The following CAMK4 variants were observed in gnomAD, a reference collection of about 807,000 sequenced individuals.
CAMK4 encodes the protein calcium/calmodulin-dependent protein kinase type IV.
A neutral mutation model predicts 44.9 loss-of-function variants in CAMK4; 22 were observed. The ratio of observed to expected loss-of-function variants is 0.49; its 90% CI spans 0.35 to 0.70. The LOEUF is 0.70. Ranked by LOEUF, CAMK4 falls within the 30% of genes least tolerant of loss-of-function variation. The pLI is 0.01. For synonymous variants in CAMK4, 218 were observed against 215.4 expected, an observed-to-expected ratio of 1.01 and a Z score of -0.11; for missense variants, 498 against 586.8, an observed-to-expected ratio of 0.85 and a Z score of 1.56.
At chr5:111,301,881 T>A (rs192932895) in intron 1 of CAMK4, among the ~76,000 whole-genome samples, 2 of 152,332 alleles carry the variant, frequency 1.3e-5, no homozygotes, top group Non-Finnish European at 2.9e-5. Flanking sequence ...TCTCTACAGT[T>A]CACTTGCAAG....
At chr5:111,446,606 AGT>A in intron 5 of CAMK4, 78 bp from the exon 6 acceptor site, 1 of 730,394 alleles carries the variant, frequency 1.4e-6, no homozygotes, top group South Asian at 1.8e-5. Flanking sequence ...CATAACTTAT[AGT>A]TCTTAAAAGA....
At chr5:111,461,624 T>C (rs1309168971) in intron 7 of CAMK4, among the ~76,000 whole-genome samples, 1 of 151,922 alleles carries the variant, frequency 6.6e-6, no homozygotes, top group Admixed American at 6.6e-5. Flanking sequence ...AGGAAAAGGA[T>C]AGAGGCAGAG....
intron 4 of CAMK4, among the ~76,000 whole-genome samples, chr5:111,380,000 A>T (rs1158505666): frequency 6.6e-6 from 1 of 152,134 alleles, no homozygotes; most frequent in African/African-American, 2.4e-5. Context: ...CACAATTATG[A>T]CATCATGAGA....
chr5:111,239,708 C>T (rs904789301), intron 1 of CAMK4, among the ~76,000 whole-genome samples: 10 of 152,128 alleles, frequency 6.6e-5, no homozygotes, highest in African/African-American at 1.2e-4. Flanking sequence ...TCATTATACA[C>T]GGTAAGTGTC....
At chr5:111,298,385 T>G (rs929367367) in intron 1 of CAMK4, among the ~76,000 whole-genome samples, 2 of 152,224 alleles carry the variant, frequency 1.3e-5, no homozygotes, top group Admixed American at 6.5e-5. Context: ...TAAGAATAGC[T>G]AGGGAACTCA....
chr5:111,224,558 C>A lies in CAMK4; in HGVS notation c.75C>A (p.Thr25=). ...TCACCGCCAGTGCGGCCCCGGGGAC[C>A]GCGAGCCTCGTCCCGGATTACTGGA... ...SSVTASAAPG[T]ASLVPDYWID... is the part of the protein sequence containing the mutation. The change falls in exon 1 of 11, where the codon ACC becomes ACA. Residue 25 remains threonine (T), a synonymous_variant. Transcript: ENST00000282356. The surrounding 1 kb of genome is among the most constrained non-coding windows in gnomAD (Gnocchi z 5.7). 3 of 1,611,722 alleles carry A rather than the reference C, an allele frequency of 1.9e-6. No homozygotes were observed. Among genetic ancestry groups the A allele is most frequent in the African/African-American group, 1.3e-5 (1 of 74,916 alleles).
At chr5:111,474,058 A>G (rs1449341224) in intron 8 of CAMK4, among the ~76,000 whole-genome samples, 1 of 152,226 alleles carries the variant, frequency 6.6e-6, no homozygotes, top group Non-Finnish European at 1.5e-5. Context: ...AACCAAATAG[A>G]AGAGCGTCTG....
chr5:111,296,012 C>T (rs190477137), intron 1 of CAMK4, among the ~76,000 whole-genome samples: 11 of 152,304 alleles, frequency 7.2e-5, no homozygotes, highest in Non-Finnish European at 1.2e-4. Flanking sequence ...CATATATTCT[C>T]CTAGCTTTTT....
chr5:111,316,969 C>G (rs1306111133), intron 1 of CAMK4, among the ~76,000 whole-genome samples: 1 of 152,038 alleles, frequency 6.6e-6, no homozygotes, highest in African/African-American at 2.4e-5. Context: ...GGATTAAGAG[C>G]ACATAGGAAT....
At chr5:111,474,767 C>T (rs1028231032) in intron 8 of CAMK4, among the ~76,000 whole-genome samples, 1 of 152,134 alleles carries the variant, frequency 6.6e-6, no homozygotes, top group Non-Finnish European at 1.5e-5. Flanking sequence ...AATGGTTGAT[C>T]GCCAAGACAG....
At chr5:111,467,900 A>C (rs138101847) in intron 7 of CAMK4, among the ~76,000 whole-genome samples, 4 of 150,934 alleles carry the variant, frequency 2.7e-5, no homozygotes, top group African/African-American at 4.9e-5. Flanking sequence ...ACTTGCCCAA[A>C]TGGCTATCAA....
chr5:111,262,390 G>A (rs910520081), intron 1 of CAMK4, among the ~76,000 whole-genome samples: 2 of 152,100 alleles, frequency 1.3e-5, no homozygotes, highest in African/African-American at 2.4e-5. Context: ...GGCTGAGAGG[G>A]TACTATCTTT....
intron 2 of CAMK4, among the ~76,000 whole-genome samples, chr5:111,345,715 G>C (rs1000822421): frequency 6.6e-6 from 1 of 151,934 alleles, no homozygotes; most frequent in Non-Finnish European, 1.5e-5. Context: ...TGGTTTAAAG[G>C]CTGGCTTATG....
rs188741323 is a variant in CAMK4, at chr5:111,436,832, A to T, written c.460-9854A>T. Among the ~76,000 whole-genome samples the T allele has an allele frequency of 1.7e-3, 259 of 152,348 alleles. 6 individuals carry two copies. Among genetic ancestry groups the T allele is most frequent in the Admixed American group, 0.015 (228 of 15,306 alleles). ...AAAGGGTACTGAAGAGAAAACTAAC[A>T]GCTGAATTTTCAACAGTCTTTCCCC... On this transcript the variant is annotated intron_variant, in intron 5 of 10. Coordinates refer to ENST00000282356, the MANE Select transcript of CAMK4 (RefSeq NM_001744.6).
At chr5:111,457,710 A>T (rs1313953431) in intron 7 of CAMK4, among the ~76,000 whole-genome samples, 7 of 152,232 alleles carry the variant, frequency 4.6e-5, no homozygotes, top group Non-Finnish European at 1.5e-5. Context: ...AAATAAAAGA[A>T]ATACATCTCA....
intron 1 of CAMK4, among the ~76,000 whole-genome samples, chr5:111,253,293 A>T (rs1580483479): frequency 6.6e-6 from 1 of 152,190 alleles, no homozygotes; most frequent in East Asian, 1.9e-4. Flanking sequence ...CCCATGGAGA[A>T]GACTCAGAGC....
At chr5:111,454,790 C>T (rs1405688479) in intron 7 of CAMK4, among the ~76,000 whole-genome samples, 2 of 152,010 alleles carry the variant, frequency 1.3e-5, no homozygotes, top group African/African-American at 4.8e-5. Context: ...TTCAAACCCA[C>T]CCACGCCAAT....
At chr5:111,449,615 T>C (rs1455493774) in intron 7 of CAMK4, 1 of 153,004 alleles carries the variant, frequency 6.5e-6, no homozygotes, top group African/African-American at 2.4e-5. Flanking sequence ...AATGGGGTGG[T>C]CCCTAGTTCT....
intron 5 of CAMK4, among the ~76,000 whole-genome samples, chr5:111,429,412 A>G (rs774540001): frequency 1.3e-5 from 2 of 152,194 alleles, no homozygotes; most frequent in South Asian, 2.1e-4. Context: ...GATACATGCA[A>G]CCTACCAAGA....
Sources: allele counts gnomAD v4.1 joint callset (sites outside exome capture counted in the v4.1 genomes callset), GRCh38; gene constraint gnomAD v4.1.1; non-coding constraint Gnocchi (gnomAD v3.1); transcripts MANE v1.5; gene names NCBI Gene and HGNC (gene_info 2026-07-23, HGNC 2026-07-21).